SNF8: variants seen among roughly 807,000 people sequenced by gnomAD.
SNF8 encodes SNF8 subunit of ESCRT-II.
Under a neutral mutation model 36.8 loss-of-function variants are expected in SNF8, and 19 were observed. The ratio of observed to expected loss-of-function variants is 0.52; its 90% confidence interval spans 0.36 to 0.76. The LOEUF (loss-of-function observed/expected upper bound fraction) is 0.76. Ranked by LOEUF, SNF8 falls within the 30% of genes least tolerant of loss-of-function variation. The pLI, the probability that SNF8 is intolerant of heterozygous loss-of-function variation, is 0.00. For synonymous variants in SNF8, 127 were observed against 127.4 expected, an observed-to-expected ratio of 1.00 and a Z score of 0.02; for missense variants, 268 against 322.9, an observed-to-expected ratio of 0.83 and a Z score of 1.30.
At position 48,944,831 on chromosome 17, in the gene SNF8, C is replaced by G. The variant is rs2041083340; in HGVS notation, c.-97G>C. ...CTCCCCAAGGCGGAAGCCCGAGCCG[C>G]GCGTCATCTGCACGCGCCGGAAGCC... On this transcript the variant is annotated 5_prime_UTR_variant, in exon 1 of 8. Transcript: ENST00000502492. The G allele has an allele frequency of 7.2e-7, 1 of 1,396,668 alleles. No individual in the cohort carries two copies. Among genetic ancestry groups the G allele is most frequent in the African/African-American group, 1.5e-5 (1 of 66,048 alleles). 86.5% of individuals were successfully genotyped at this position (1,396,668 alleles called of 1,614,324 possible).
intron 1 of SNF8, 143 bp downstream of exon 1, chr17:48,944,538 G>T: frequency 1.1e-6 from 1 of 936,886 alleles, no homozygotes; most frequent in Non-Finnish European, 1.7e-6. Context: ...TCCACCGGAA[G>T]CTGGAGAAAT....
In SNF8 at chr17:48,930,062, GAAT is replaced by G. The variant is rs1415389354; in HGVS notation, c.*410_*412del. Reference sequence around the variant, plus strand: ...GAGGAAGCCAGAAGAGACTGAAAGTGAATATTATTTACTGGTCCATTAGGACCA... The same window carrying G: ...GAGGAAGCCAGAAGAGACTGAAAGTGATTATTTACTGGTCCATTAGGACCA... On this transcript the variant is annotated 3_prime_UTR_variant, in exon 8 of 8. Transcript: ENST00000502492. 2 of 153,410 alleles carry G rather than the reference GAAT, an allele frequency of 1.3e-5. No homozygotes were observed. The highest frequency in any genetic ancestry group is 4.8e-5 in the African/African-American group (2 of 41,460). The allele number at this position is 153,410 out of a possible 1,614,324, so 9.5% of individuals were successfully genotyped here.
rs990320772 is a variant in SNF8 at position 48,944,763 on chromosome 17, C to G, written c.-29G>C. On this transcript the variant is annotated 5_prime_UTR_variant, in exon 1 of 8. Coordinates refer to ENST00000502492, the MANE Select transcript of SNF8 (RefSeq NM_007241.4). ...CACCCTGGGCCCGCGGGCCGCCCGG[C>G]TGCCGGGACCCCGGGTCTCCACGTC... The G allele has an allele frequency of 1.3e-6, 2 of 1,587,118 alleles. No individual in the cohort carries two copies. The highest frequency in any genetic ancestry group is 1.7e-6 in the Non-Finnish European group (2 of 1,171,138).
chr17:48,930,396 T>A lies in SNF8; in HGVS notation c.*79A>T. The A allele has an allele frequency of 7.3e-7, 1 of 1,362,226 alleles. No individual in the cohort carries two copies. The highest frequency in any genetic ancestry group is 2.6e-5 in the East Asian group (1 of 38,588). The allele number at this position is 1,362,226 out of a possible 1,614,324, so 84.4% of individuals were successfully genotyped here. A position where few individuals can be genotyped will look rare whatever the true frequency, so the allele number is the denominator to read the frequency against. ...AACTTGGAACTTTTTTTCTATTTTTTGTATAAACAAAATTGCCCAGGTTTA... is the reference window on the plus strand; with the variant it reads ...AACTTGGAACTTTTTTTCTATTTTTAGTATAAACAAAATTGCCCAGGTTTA... On this transcript the variant is annotated 3_prime_UTR_variant, in exon 8 of 8. Coordinates refer to ENST00000502492, the MANE Select transcript of SNF8 (RefSeq NM_007241.4).
intron 3 of SNF8, among the ~76,000 whole-genome samples, chr17:48,939,563 G>A (rs1224894684): frequency 6.7e-6 from 1 of 150,306 alleles, no homozygotes; most frequent in Non-Finnish European, 1.5e-5. Context: ...GGGTTCAAGT[G>A]ATTTTCCTGC....
intron 3 of SNF8, 99 bp from the exon 4 acceptor site, chr17:48,937,223 C>G: frequency 1.1e-6 from 1 of 925,186 alleles, no homozygotes; most frequent in Non-Finnish European, 1.8e-6. Flanking sequence ...GGAAGTCTTC[C>G]CTGCATGGCA....
chr17:48,933,053 T>C (rs1328912606), intron 6 of SNF8, 152 bp downstream of exon 6: 4 of 727,802 alleles, frequency 5.5e-6, no homozygotes, highest in Admixed American at 5.6e-5. Context: ...GCTCAATAAA[T>C]GTCTGCTGAA....
chr17:48,931,829 C>A, intron 6 of SNF8, 112 bp from the exon 7 acceptor site: 1 of 736,564 alleles, frequency 1.4e-6, no homozygotes, highest in South Asian at 1.9e-5. Flanking sequence ...AGCTGTCAAG[C>A]ATGAGAGAAC....
In SNF8 at chr17:48,930,179, G is replaced by A. The variant is rs188005166; in HGVS notation, c.*296C>T. The stretch of plus-strand genomic sequence containing the variant: ...TCTCACAGCTACAAAGACTAGACAG[G>A]CCAGGAAACAACCCACATTCTAGGC... On this transcript the variant is annotated 3_prime_UTR_variant, in exon 8 of 8. Transcript: ENST00000502492. The A allele has an allele frequency of 3.3e-3, 798 of 240,926 alleles. 2 individuals carry two copies. Among genetic ancestry groups the A allele is most frequent in the Admixed American group, 5.1e-3 (100 of 19,512 alleles). The allele number at this position is 240,926 out of a possible 1,614,324, so 14.9% of individuals were successfully genotyped here. A position where few individuals can be genotyped will look rare whatever the true frequency, so the allele number is the denominator to read the frequency against.
At position 48,929,430 on chromosome 17, in the gene SNF8, T is replaced by A. The variant is rs1261124373; in HGVS notation, c.*1045A>T. The A allele has an allele frequency of 1.3e-5, 2 of 152,172 alleles. No homozygotes were observed. The highest frequency in any genetic ancestry group is 4.8e-5 in the African/African-American group (2 of 41,422). The allele number at this position is 152,172 out of a possible 1,614,324, so 9.4% of individuals were successfully genotyped here. The stretch of plus-strand genomic sequence containing the variant: ...TGGAAAAACCATTGAGTTTTCAGAT[T>A]TCCAGTACTAAACTAGCACTTTTAG... On this transcript the variant is annotated 3_prime_UTR_variant, in exon 8 of 8. Coordinates refer to ENST00000502492, the MANE Select transcript of SNF8 (RefSeq NM_007241.4).
intron 2 of SNF8, among the ~76,000 whole-genome samples, chr17:48,942,631 T>C (rs1184716239): frequency 6.6e-6 from 1 of 152,134 alleles, no homozygotes; most frequent in African/African-American, 2.4e-5. Flanking sequence ...CTAGATGTCA[T>C]GATGGTGGTG....
At chr17:48,940,093 AT>A (rs1555584139) in intron 3 of SNF8, among the ~76,000 whole-genome samples, 1 of 143,420 alleles carries the variant, frequency 7.0e-6, no homozygotes, top group South Asian at 2.3e-4. Context: ...AAAAAAAAAA[AT>A]TTTTTTTTTA....
At chr17:48,940,277 G>A (rs1483082585) in intron 3 of SNF8, among the ~76,000 whole-genome samples, 1 of 151,182 alleles carries the variant, frequency 6.6e-6, no homozygotes, top group African/African-American at 2.4e-5. Flanking sequence ...CTGGATTCAA[G>A]TGATCTGCCT....
chr17:48,944,452 T>C (rs957926505), intron 1 of SNF8, among the ~76,000 whole-genome samples: 4 of 152,138 alleles, frequency 2.6e-5, no homozygotes, highest in Non-Finnish European at 4.4e-5. Context: ...CGACTGTAGA[T>C]TTGTGAGTAG....
intron 3 of SNF8, among the ~76,000 whole-genome samples, chr17:48,940,552 A>G (rs1176643034): frequency 7.9e-5 from 12 of 151,850 alleles, no homozygotes; most frequent in African/African-American, 2.9e-4. Context: ...GCACTTTGGG[A>G]GGCCGAGGCG....
intron 6 of SNF8, chr17:48,932,764 ACTG>A (rs907734507): frequency 1.9e-5 from 3 of 154,318 alleles, no homozygotes; most frequent in African/African-American, 7.2e-5. Context: ...AAATAATAAA[ACTG>A]AACACATCTA....
chr17:48,932,963 A>C, intron 6 of SNF8: 1 of 413,590 alleles, frequency 2.4e-6, no homozygotes, highest in Non-Finnish European at 4.3e-6. Flanking sequence ...CTACCTGACT[A>C]GACTGTAAGC....
chr17:48,934,172 C>T (rs969215130), intron 5 of SNF8, among the ~76,000 whole-genome samples: 10 of 152,100 alleles, frequency 6.6e-5, no homozygotes, highest in Non-Finnish European at 1.2e-4. Context: ...ATCACCCAAA[C>T]AGCCAGGGAA....
chr17:48,930,836 A>G (rs992963625), intron 7 of SNF8, among the ~76,000 whole-genome samples: 1 of 152,234 alleles, frequency 6.6e-6, no homozygotes, highest in African/African-American at 2.4e-5. Context: ...CTGCTGGGGA[A>G]GAGGGGTAAA....
Sources: gnomAD v4.1 joint callset for allele counts (sites outside exome capture counted in the v4.1 genomes callset) on GRCh38, gnomAD v4.1.1 for gene constraint, MANE v1.5 for transcripts, NCBI Gene and HGNC (gene_info 2026-07-23, HGNC 2026-07-21) for gene names.